Variants in PDE1C observed in about 807,000 individuals in gnomAD.
PDE1C encodes the protein phosphodiesterase 1C, also known as dual specificity calcium/calmodulin-dependent 3',5'-cyclic nucleotide phosphodiesterase 1C.
A neutral mutation model predicts 93.1 loss-of-function variants in PDE1C; 62 were observed. The observed-to-expected ratio is 0.67, with a 90% CI of 0.54 to 0.82. The LOEUF (loss-of-function observed/expected upper bound fraction) is 0.82, where lower values mean the gene tolerates loss of function less well. PDE1C is among the 40% of genes least tolerant of loss of function. PDE1C has a pLI of 0.00. For synonymous variants in PDE1C, 325 were observed against 310.1 expected (o/e 1.05, Z -0.50); for missense variants, 742 against 884.6 (o/e 0.84, Z 2.04).
At chr7:32,380,399 G>A (rs561713350) in intron 1 of PDE1C, among the ~76,000 whole-genome samples, 9 of 90,704 alleles carry the variant, frequency 9.9e-5, no homozygotes, top group Middle Eastern at 6.6e-3. Context: ...CACCATGCCC[G>A]GCTAATTTTT....
chr7:32,263,624 G>A (rs1254173537), intron 1 of PDE1C, among the ~76,000 whole-genome samples: 2 of 151,870 alleles, frequency 1.3e-5, no homozygotes, highest in Admixed American at 6.6e-5. Context: ...TTTTCTCCAG[G>A]CAGAATCCAG....
chr7:31,643,242 A>C, the PDE1C span: 1 of 1,613,836 alleles, frequency 6.2e-7, no homozygotes, highest in Non-Finnish European at 8.5e-7. Context: ...AAAGCAGTGG[A>C]TTCTGTCCTC....
chr7:31,835,632 G>A (rs139806934), intron 11 of PDE1C, among the ~76,000 whole-genome samples: 35 of 151,560 alleles, frequency 2.3e-4, no homozygotes, highest in African/African-American at 7.0e-4. Context: ...AAAACATCTC[G>A]TCCAACCTTA....
rs146126237 is a variant in PDE1C, at chr7:32,190,408, G to C, written c.136+19081C>G. ...TTGGTCTACCTGCCTGTCCAGGGGA[G>C]GTGTGCTAGACATAGTGCTTGGCAC... On this transcript the variant is annotated intron_variant, in intron 2 of 18. Coordinates refer to the PDE1C transcript ENST00000396193. 3.9e-5 allele frequency among the ~76,000 whole-genome samples: 6 copies of C among 152,302 alleles called. No homozygotes were observed. The East Asian group carries it at 1.2e-3, about 29-fold the overall frequency.
the PDE1C span, chr7:31,707,307 G>A: frequency 3.8e-6 from 6 of 1,595,376 alleles, no homozygotes; most frequent in Non-Finnish European, 4.3e-6. Context: ...GAGACCACTT[G>A]TAAATAGGTT....
intron 3 of PDE1C, among the ~76,000 whole-genome samples, chr7:32,096,255 T>C (rs767802966): frequency 2.0e-5 from 3 of 152,190 alleles, no homozygotes; most frequent in Admixed American, 2.0e-4. Flanking sequence ...TGCTCATTCA[T>C]TCACTAAGCA....
rs1562682182 is a variant in PDE1C, at chr7:32,341,177, T to TTTTATTTTTTTTTATTTTA, written c.310+86644_310+86645insTAAAATAAAAAAAAATAAA. 4.3e-3 allele frequency among the ~76,000 whole-genome samples: 469 copies of TTTTATTTTTTTTTATTTTA among 109,424 alleles called. 13 individuals are homozygous for TTTTATTTTTTTTTATTTTA. The highest frequency in any genetic ancestry group is 0.015 in the African/African-American group (450 of 30,708). 71.8% of individuals were successfully genotyped at this position (109,424 alleles called of 152,430 possible). On this transcript the variant is annotated intron_variant, in intron 1 of 1. Transcript: ENST00000672256. ...AAACTACTCTAGAAATAAAGTCTTT[T>TTTTATTTTTTTTTATTTTA]TTTTTTTTTTTTTTTTGAGACGGAG...
intron 5 of PDE1C, among the ~76,000 whole-genome samples, chr7:31,877,508 A>G (rs1319835211): frequency 6.6e-6 from 1 of 151,930 alleles, no homozygotes; most frequent in Non-Finnish European, 1.5e-5. Context: ...CTCTGATATC[A>G]AACATTAGCT....
intron 1 of PDE1C, among the ~76,000 whole-genome samples, chr7:32,366,501 T>A (rs1334161966): frequency 3.3e-5 from 5 of 152,054 alleles, no homozygotes; most frequent in African/African-American, 1.2e-4. Context: ...GGGAATATAT[T>A]TAATGAACTA....
intron 9 of PDE1C, among the ~76,000 whole-genome samples, chr7:31,842,091 A>G (rs1791975207): frequency 6.6e-6 from 1 of 152,146 alleles, no homozygotes; most frequent in Non-Finnish European, 1.5e-5. Context: ...AAACAACAGA[A>G]TAATGCTTGA....
intron 3 of PDE1C, among the ~76,000 whole-genome samples, chr7:32,147,277 A>AAAGAAAGAAAGAAAGAAAGAAAGAAAG: frequency 1.4e-5 from 1 of 69,032 alleles, no homozygotes; most frequent in South Asian, 4.2e-4. Context: ...AGAAAAAAAG[A>AAAGAAAGAAAGAAAGAAAGAAAGAAAG]AAGAAAGAAA....
At chr7:32,405,017 G>A (rs1257769395) in intron 1 of PDE1C, among the ~76,000 whole-genome samples, 1 of 152,104 alleles carries the variant, frequency 6.6e-6, no homozygotes, top group Admixed American at 6.5e-5. Flanking sequence ...CTTTATCTGT[G>A]GAATGTGTGG....
intron 2 of PDE1C, among the ~76,000 whole-genome samples, chr7:32,003,352 A>G (rs2058544): frequency 0.43 from 65,069 of 152,130 alleles, 14,822 homozygotes; most frequent in African/African-American, 0.57. Context: ...ATCTCTGCGA[A>G]TAGATGGTGA....
intron 2 of PDE1C, among the ~76,000 whole-genome samples, chr7:31,997,654 T>C (rs1044173781): frequency 1.3e-5 from 2 of 152,200 alleles, no homozygotes; most frequent in African/African-American, 4.8e-5. Flanking sequence ...ATGCTGTCTG[T>C]TGCTCATCAA....
intron 1 of PDE1C, among the ~76,000 whole-genome samples, chr7:32,066,586 G>C (rs1359550040): frequency 6.6e-6 from 1 of 152,068 alleles, no homozygotes; most frequent in Non-Finnish European, 1.5e-5. Flanking sequence ...CATCTAGCAG[G>C]CTGGCAATAG....
Position 31,828,287 on chromosome 7 carries a change from C to T in PDE1C, c.1285+5G>A, listed in dbSNP as rs746785048. On this transcript the variant is annotated splice_donor_5th_base_variant and intron_variant, in intron 12 of 17. Transcript: ENST00000396191. ...GCTTCTATCCAAAGAGCTGCAAACACGTACCTACTTGTGACTGAGCAACCA... is the reference window on the plus strand; with the variant it reads ...GCTTCTATCCAAAGAGCTGCAAACATGTACCTACTTGTGACTGAGCAACCA... 4.3e-6 allele frequency: 7 copies of T among 1,610,432 alleles called. No individual in the cohort carries two copies. The highest frequency in any genetic ancestry group is 1.7e-4 in the Middle Eastern group (1 of 5,988).
At chr7:32,016,562 C>G (rs888362334) in intron 2 of PDE1C, among the ~76,000 whole-genome samples, 1 of 152,106 alleles carries the variant, frequency 6.6e-6, no homozygotes, top group South Asian at 2.1e-4. Flanking sequence ...TGCAAAGATA[C>G]ATACATCAGA....
the PDE1C span, among the ~76,000 whole-genome samples, chr7:31,718,925 A>T: frequency 0.029 from 4,423 of 152,292 alleles, 102 homozygotes; most frequent in African/African-American, 0.04. Context: ...CTCCTCCTGC[A>T]TTCTGGAACC....
intron 3 of PDE1C, among the ~76,000 whole-genome samples, chr7:32,155,991 C>A (rs1000209134): frequency 5.9e-5 from 9 of 152,184 alleles, no homozygotes; most frequent in African/African-American, 1.9e-4. Context: ...GGATGATTCA[C>A]CCAAACTCCT....
Sources: gnomAD v4.1 joint callset for allele counts (sites outside exome capture counted in the v4.1 genomes callset) on GRCh38, gnomAD v4.1.1 for gene constraint, MANE v1.5 for transcripts, NCBI Gene and HGNC (gene_info 2026-07-23, HGNC 2026-07-21) for gene names.